The following CHD1L variants were observed in gnomAD, a reference collection of about 807,000 sequenced individuals.
CHD1L encodes chromodomain helicase DNA binding protein 1 like.
In CHD1L, 118 loss-of-function variants were observed where a neutral mutation model predicts 115.9. That is an observed-to-expected ratio of 1.02 (90% CI 0.88 to 1.19). The LOEUF is 1.19. Ranked by LOEUF, CHD1L falls within the 50% of genes most tolerant of loss-of-function variation. The pLI is 0.00. For synonymous variants in CHD1L, 411 were observed against 387.1 expected, an observed-to-expected ratio of 1.06 and a Z score of -0.72; for missense variants, 1,179 against 1,065.3, an observed-to-expected ratio of 1.11 and a Z score of -1.49.
At chr1:147,287,582 T>C (rs1683688750) in intron 18 of CHD1L, 53 bp from the exon 19 acceptor site, 1 of 1,312,586 alleles carries the variant, frequency 7.6e-7, no homozygotes, top group African/African-American at 1.5e-5. Context: ...TTTTCTAAAT[T>C]GTGCACTGGA....
chr1:147,268,929 TG>T, intron 10 of CHD1L, 51 bp downstream of exon 10: 1 of 1,433,420 alleles, frequency 7.0e-7, no homozygotes, highest in Non-Finnish European at 9.8e-7. Flanking sequence ...TGTTAAAACC[TG>T]ACTATTGAGG....
At chr1:147,255,099 T>C (rs1336225868) in intron 3 of CHD1L, 123 bp downstream of exon 3, 4 of 636,568 alleles carry the variant, frequency 6.3e-6, no homozygotes, top group African/African-American at 5.5e-5. Context: ...CCAGAAAACT[T>C]TGAGCTGATA....
intron 18 of CHD1L, 107 bp downstream of exon 18, chr1:147,286,607 G>T: frequency 1.0e-6 from 1 of 958,850 alleles, no homozygotes; most frequent in East Asian, 2.4e-5. Context: ...GTGTAGTATT[G>T]TACAGTCAAA....
chr1:147,198,037 G>A, the CHD1L span, among the ~76,000 whole-genome samples: 5 of 152,158 alleles, frequency 3.3e-5, no homozygotes, highest in Non-Finnish European at 5.9e-5. Context: ...CCTAAAGCAG[G>A]TTGTATCTGT....
upstream of CHD1L, among the ~76,000 whole-genome samples, chr1:147,241,020 A>G (rs1315625903): frequency 1.3e-5 from 2 of 150,808 alleles, no homozygotes; most frequent in South Asian, 2.1e-4. Flanking sequence ...CTCTCATTCC[A>G]CCCGACGAGA....
At chr1:147,284,567 A>T in intron 16 of CHD1L, 68 bp downstream of exon 16, 1 of 1,383,322 alleles carries the variant, frequency 7.2e-7, no homozygotes. Context: ...CAAAAAAATG[A>T]TGCTGGCATC....
At chr1:147,178,215 C>T in the CHD1L span, 3 of 1,613,472 alleles carry the variant, frequency 1.9e-6, no homozygotes, top group South Asian at 2.2e-5. Flanking sequence ...GGGACGACAA[C>T]TTGGAGAGTC....
At chr1:147,242,311 G>C (rs1553931301), upstream of CHD1L, among the ~76,000 whole-genome samples, 1 of 152,164 alleles carries the variant, frequency 6.6e-6, no homozygotes, top group African/African-American at 2.4e-5. Flanking sequence ...GGAGGGCACG[G>C]AACAAGTCTT....
chr1:147,178,450 G>A, the CHD1L span: 3 of 1,611,766 alleles, frequency 1.9e-6, no homozygotes, highest in Admixed American at 5.0e-5. Flanking sequence ...TGAAGAAGCA[G>A]GTGCTTATGA....
At chr1:147,204,589 G>A in the CHD1L span, 1 of 1,591,798 alleles carries the variant, frequency 6.3e-7, no homozygotes, top group Non-Finnish European at 8.6e-7. Flanking sequence ...AAGTTCTTCA[G>A]CTAATTCCAG....
chr1:147,228,006 C>T, the CHD1L span, among the ~76,000 whole-genome samples: 2 of 65,860 alleles, frequency 3.0e-5, no homozygotes, highest in African/African-American at 1.2e-4. Context: ...TCCATGGAGG[C>T]CACTTTTTTT....
At chr1:147,252,563 A>G (rs1212674265) in intron 1 of CHD1L, 60 bp from the exon 2 acceptor site, 7 of 1,299,360 alleles carry the variant, frequency 5.4e-6, no homozygotes, top group African/African-American at 2.9e-5. Flanking sequence ...CTCTTAGAAC[A>G]TTGCCTCTGC....
At chr1:147,186,322 T>C in the CHD1L span, 8 of 982,310 alleles carry the variant, frequency 8.1e-6, no homozygotes, top group Middle Eastern at 1.6e-3. Context: ...GGGCTAAAAA[T>C]GACCATGTTT....
intron 1 of CHD1L, among the ~76,000 whole-genome samples, chr1:147,245,833 A>G (rs1553933456): frequency 6.6e-6 from 1 of 152,038 alleles, no homozygotes; most frequent in Non-Finnish European, 1.5e-5. Context: ...ATGAGTCACC[A>G]GTTTTAAGAA....
At chr1:147,192,728 T>C in the CHD1L span, among the ~76,000 whole-genome samples, 1 of 152,180 alleles carries the variant, frequency 6.6e-6, no homozygotes, top group African/African-American at 2.4e-5. Context: ...TGAAGTGTTG[T>C]TGAATTCTGT....
chr1:147,204,877 G>A, the CHD1L span: 10 of 1,590,754 alleles, frequency 6.3e-6, no homozygotes, highest in African/African-American at 6.7e-5. Flanking sequence ...AAAGTGTTTC[G>A]CTCCCTCCTT....
the CHD1L span, among the ~76,000 whole-genome samples, chr1:147,182,210 A>G: frequency 2.0e-5 from 3 of 152,224 alleles, no homozygotes; most frequent in African/African-American, 4.8e-5. Flanking sequence ...GTAGCTAGAT[A>G]AGTAACTAAG....
chr1:147,228,379 T>A, the CHD1L span, among the ~76,000 whole-genome samples: 4 of 152,190 alleles, frequency 2.6e-5, no homozygotes, highest in African/African-American at 9.7e-5. Context: ...ATGGTGTATA[T>A]GTGCCACATT....
the CHD1L span, among the ~76,000 whole-genome samples, chr1:147,230,097 AG>A: frequency 1.7e-4 from 16 of 93,194 alleles, 5 homozygotes; most frequent in Non-Finnish European, 3.0e-4. Flanking sequence ...CAGTTTTCAA[AG>A]GGAATGCTTC....
Sources: gnomAD v4.1 joint callset for allele counts (sites outside exome capture counted in the v4.1 genomes callset) on GRCh38, gnomAD v4.1.1 for gene constraint, MANE v1.5 for transcripts, NCBI Gene and HGNC (gene_info 2026-07-23, HGNC 2026-07-21) for gene names.